The following EXT1 variants were observed in gnomAD, a reference collection of about 807,000 sequenced individuals.
The protein encoded by EXT1 is exostosin-1.
Under a neutral mutation model 82.5 loss-of-function variants are expected in EXT1, and 20 were observed. The observed-to-expected ratio is 0.24, with a 90% confidence interval of 0.17 to 0.35. EXT1 has a LOEUF of 0.35. Ranked by LOEUF, EXT1 falls within the 10% of genes least tolerant of loss-of-function variation. The probability of loss-of-function intolerance (pLI) is 1.00; values close to 1 mark genes in which losing one functional copy is unlikely to be tolerated. For missense variants in EXT1, 757 were observed against 936.5 expected (o/e 0.81, Z 2.50); for synonymous variants, 348 against 350.8 (o/e 0.99, Z 0.09).
rs1009894152 is a variant in EXT1 at position 117,794,922 on chromosome 8, T to C, written c.*4790A>G. The C allele has an allele frequency of 2.0e-5, 3 of 152,240 alleles. No homozygotes were observed. The highest frequency in any genetic ancestry group is 2.0e-4 in the Admixed American group (3 of 15,286). 9.4% of individuals were successfully genotyped at this position (152,240 alleles called of 1,614,324 possible). ...CCCTCAACATATCCTATACATATTGTTCTCTCAAAATAAGTACACAAGGTT... is the reference window on the plus strand; with the variant it reads ...CCCTCAACATATCCTATACATATTGCTCTCTCAAAATAAGTACACAAGGTT... On this transcript the variant is annotated 3_prime_UTR_variant, in exon 11 of 11. Transcript: ENST00000378204.
chr8:117,823,526 A>C (rs1369462935), intron 4 of EXT1, among the ~76,000 whole-genome samples: 7 of 151,930 alleles, frequency 4.6e-5, no homozygotes, highest in Non-Finnish European at 1.5e-5. Flanking sequence ...AAAGAAAAAA[A>C]TCCTGCCGTA....
At chr8:117,890,670 C>T (rs1288771828) in intron 1 of EXT1, among the ~76,000 whole-genome samples, 2 of 152,024 alleles carry the variant, frequency 1.3e-5, no homozygotes, top group Admixed American at 1.3e-4. Flanking sequence ...CTGGGTATTC[C>T]CAGGTTCGGG....
chr8:117,816,461 A>C (rs531263513), intron 7 of EXT1, among the ~76,000 whole-genome samples: 1 of 152,300 alleles, frequency 6.6e-6, no homozygotes, highest in South Asian at 2.1e-4. Flanking sequence ...ACTTAAGTGC[A>C]AACGCTTCAC....
In EXT1 at chr8:117,904,592, T is replaced by A. The variant is rs17475395; in HGVS notation, c.963-67391A>T. Reference sequence around the variant, plus strand: ...TGCTAGGATGTGACTTAATATAGAATTAAATTGACACTCATGATTCATGTC... The same window carrying A: ...TGCTAGGATGTGACTTAATATAGAAATAAATTGACACTCATGATTCATGTC... On this transcript the variant is annotated intron_variant, in intron 1 of 10. Transcript: ENST00000378204. 2.6e-3 allele frequency among the ~76,000 whole-genome samples: 396 copies of A among 152,320 alleles called. 2 individuals are homozygous for A. The highest frequency in any genetic ancestry group is 9.1e-3 in the African/African-American group (378 of 41,568).
intron 1 of EXT1, among the ~76,000 whole-genome samples, chr8:118,054,449 C>T (rs1816763100): frequency 6.6e-6 from 1 of 152,230 alleles, no homozygotes; most frequent in Admixed American, 6.5e-5. Flanking sequence ...ACTACATCCT[C>T]CTCCTGGAAT....
At chr8:117,861,491 T>C (rs1266738480) in intron 1 of EXT1, among the ~76,000 whole-genome samples, 1 of 102,450 alleles carries the variant, frequency 9.8e-6, no homozygotes, top group African/African-American at 3.4e-5. Flanking sequence ...TTTTTATCTT[T>C]TTTTTTTTTT....
intron 1 of EXT1, among the ~76,000 whole-genome samples, chr8:118,035,813 C>T (rs1816408613): frequency 6.6e-6 from 1 of 152,140 alleles, no homozygotes; most frequent in Admixed American, 6.5e-5. Context: ...TGGACTTCTT[C>T]CAAGTTAAAA....
chr8:117,905,356 T>G (rs559730416), intron 1 of EXT1, among the ~76,000 whole-genome samples: 1 of 152,078 alleles, frequency 6.6e-6, no homozygotes, highest in African/African-American at 2.4e-5. Flanking sequence ...CTCTGAAAAA[T>G]CATCAAGGTC....
chr8:117,853,128 T>C (rs1029198573), intron 1 of EXT1, among the ~76,000 whole-genome samples: 1 of 152,212 alleles, frequency 6.6e-6, no homozygotes, highest in Non-Finnish European at 1.5e-5. Flanking sequence ...AAACGAAGTA[T>C]GTGTACCATA....
intron 1 of EXT1, among the ~76,000 whole-genome samples, chr8:117,873,121 G>C (rs1385461804): frequency 6.6e-6 from 1 of 152,152 alleles, no homozygotes; most frequent in Non-Finnish European, 1.5e-5. Flanking sequence ...CACCATCTCA[G>C]CCACATGAGA....
At chr8:117,880,344 A>C (rs1813038266) in intron 1 of EXT1, among the ~76,000 whole-genome samples, 1 of 152,190 alleles carries the variant, frequency 6.6e-6, no homozygotes, top group South Asian at 2.1e-4. Flanking sequence ...CCTTTAAATT[A>C]TTTATGGAGT....
chr8:117,983,135 C>T (rs1390695664), intron 1 of EXT1, among the ~76,000 whole-genome samples: 2 of 152,122 alleles, frequency 1.3e-5, no homozygotes, highest in African/African-American at 4.8e-5. Context: ...ATAAGTAACA[C>T]CAGCCAGGGA....
At chr8:117,799,949 A>G (rs972816023) in intron 10 of EXT1, 52 bp from the exon 11 acceptor site, 1 of 1,578,522 alleles carries the variant, frequency 6.3e-7, no homozygotes. Context: ...GCAAGGTGAG[A>G]TGGAAACATT....
Position 117,890,623 on chromosome 8 carries a change from A to G in EXT1, c.963-53422T>C, listed in dbSNP as rs550678726. On this transcript the variant is annotated intron_variant, in intron 1 of 10. Coordinates refer to ENST00000378204, the MANE Select transcript of EXT1 (RefSeq NM_000127.3). ...GTCTATAGTTGTTGACAATGACAGTATTCTTAGCTTCTTAGCATAGGGAAG... is the reference window on the plus strand; with the variant it reads ...GTCTATAGTTGTTGACAATGACAGTGTTCTTAGCTTCTTAGCATAGGGAAG... Among the ~76,000 whole-genome samples the G allele has an allele frequency of 2.6e-5, 4 of 152,346 alleles. No individual in the cohort carries two copies. In the South Asian group the frequency reaches 6.2e-4, roughly 24 times the overall value.
chr8:117,993,366 G>C (rs1815473788), intron 1 of EXT1, among the ~76,000 whole-genome samples: 1 of 152,204 alleles, frequency 6.6e-6, no homozygotes, highest in African/African-American at 2.4e-5. Context: ...ACAAGTCTCT[G>C]GCCCGGCAGG....
chr8:117,862,041 G>A (rs765457249), intron 1 of EXT1, among the ~76,000 whole-genome samples: 6 of 145,916 alleles, frequency 4.1e-5, no homozygotes, highest in Non-Finnish European at 7.7e-5. Flanking sequence ...GAATTTGTAC[G>A]ACACTGATGA....
chr8:118,014,831 T>C (rs1246147680), intron 1 of EXT1, among the ~76,000 whole-genome samples: 1 of 151,910 alleles, frequency 6.6e-6, no homozygotes, highest in Non-Finnish European at 1.5e-5. Flanking sequence ...GGCCCAAGAG[T>C]TACACAAGCA....
intron 1 of EXT1, among the ~76,000 whole-genome samples, chr8:118,096,660 AAGGAAGGAAGGAAGGG>A (rs1425827753): frequency 6.9e-4 from 62 of 90,164 alleles, no homozygotes; most frequent in African/African-American, 1.3e-3. Flanking sequence ...GGAAGGAAGG[AAGGAAGGAAGGAAGGG>A]AGGGAGGGAG....
intron 7 of EXT1, 55 bp from the exon 8 acceptor site, chr8:117,813,016 C>G: frequency 7.0e-7 from 1 of 1,435,110 alleles, no homozygotes; most frequent in Non-Finnish European, 9.7e-7. Context: ...GAGGTAACTT[C>G]AGAGTCTTGT....
Sources: gnomAD v4.1 joint callset for allele counts (sites outside exome capture counted in the v4.1 genomes callset) on GRCh38, gnomAD v4.1.1 for gene constraint, MANE v1.5 for transcripts, NCBI Gene and HGNC (gene_info 2026-07-23, HGNC 2026-07-21) for gene names.